The following MKLN1 variants were observed in gnomAD, a reference collection of about 807,000 sequenced individuals.
The protein encoded by MKLN1 is muskelin.
In MKLN1, 18 loss-of-function variants were observed where a neutral mutation model predicts 99.0. That is an observed-to-expected ratio of 0.18 (90% CI 0.13 to 0.27). The LOEUF (loss-of-function observed/expected upper bound fraction) is 0.27, where lower values mean the gene tolerates loss of function less well. MKLN1 is among the 10% of genes least tolerant of loss of function. The pLI is 1.00. For synonymous variants in MKLN1, 288 were observed against 293.2 expected, an observed-to-expected ratio of 0.98 and a Z score of 0.18; for missense variants, 621 against 875.9, an observed-to-expected ratio of 0.71 and a Z score of 3.67.
chr7:131,120,110 G>T (rs1584772161), intron 1 of MKLN1, among the ~76,000 whole-genome samples: 1 of 136,642 alleles, frequency 7.3e-6, no homozygotes, highest in African/African-American at 2.8e-5. Context: ...GGCGGAGCTT[G>T]CAATGAGCTG....
chr7:131,198,914 C>T (rs1563249876), intron 2 of MKLN1, among the ~76,000 whole-genome samples: 2 of 152,170 alleles, frequency 1.3e-5, no homozygotes, highest in African/African-American at 4.8e-5. Flanking sequence ...AAACAACTTA[C>T]TCTTAGGCAA....
At chr7:131,214,720 A>G (rs1187552702) in intron 3 of MKLN1, among the ~76,000 whole-genome samples, 1 of 152,178 alleles carries the variant, frequency 6.6e-6, no homozygotes, top group East Asian at 1.9e-4. Context: ...TTCTACATGG[A>G]CTTTGTAATC....
chr7:131,132,009 A>T (rs1359976867), intron 1 of MKLN1, among the ~76,000 whole-genome samples: 1 of 152,216 alleles, frequency 6.6e-6, no homozygotes, highest in Non-Finnish European at 1.5e-5. Flanking sequence ...TCGAATACAG[A>T]TCTGTCTGAC....
intron 3 of MKLN1, among the ~76,000 whole-genome samples, chr7:131,305,549 T>C (rs1293785174): frequency 6.6e-6 from 1 of 152,224 alleles, no homozygotes; most frequent in Non-Finnish European, 1.5e-5. Context: ...GAATTCTTTC[T>C]GTTCAGGCTT....
intron 3 of MKLN1, among the ~76,000 whole-genome samples, chr7:131,296,977 C>T (rs541287576): frequency 6.6e-6 from 1 of 152,074 alleles, no homozygotes; most frequent in Non-Finnish European, 1.5e-5. Flanking sequence ...GGACTCAAGT[C>T]ATCCACCTGC....
In MKLN1 at chr7:131,153,664, G is replaced by GGT. The variant is rs745775259; in HGVS notation, c.-297+10723_-297+10724insGT. Among the ~76,000 whole-genome samples the GGT allele has an allele frequency of 4.1e-3, 572 of 139,526 alleles. 10 individuals carry two copies. The highest frequency in any genetic ancestry group is 0.015 in the African/African-American group (542 of 37,098). The allele number at this position is 139,526 out of a possible 152,430, so 91.5% of individuals were successfully genotyped here. A position where few individuals can be genotyped will look rare whatever the true frequency, so the allele number is the denominator to read the frequency against. ...ACAAAATGAAAGTAGGTTTTTTTTG[G>GGT]TTTTTTTTTTTTTTTTGAGAAGGAG... On this transcript the variant is annotated intron_variant, in intron 2 of 7. Coordinates refer to the MKLN1 transcript ENST00000416992.
At chr7:131,239,470 C>G (rs1472889738) in intron 3 of MKLN1, among the ~76,000 whole-genome samples, 1 of 152,060 alleles carries the variant, frequency 6.6e-6, no homozygotes, top group Non-Finnish European at 1.5e-5. Flanking sequence ...TAGGTACATG[C>G]CACACCCAGC....
chr7:131,402,333 C>G (rs976987084), intron 6 of MKLN1, among the ~76,000 whole-genome samples: 1 of 152,190 alleles, frequency 6.6e-6, no homozygotes, highest in African/African-American at 2.4e-5. Context: ...TCTTCAGGCT[C>G]TACTTCTAAT....
Position 131,478,615 on chromosome 7 carries a change from TTA to T in MKLN1, c.2032-7_2032-6del. ...TGCTTCTTTTTTTTTTTTTTTTTTTTTAAACAGTTTCAGCTCCTGGCATCAGC... is the reference window on the plus strand; with the variant it reads ...TGCTTCTTTTTTTTTTTTTTTTTTTTAACAGTTTCAGCTCCTGGCATCAGC... On this transcript the variant is annotated splice_region_variant and splice_polypyrimidine_tract_variant and intron_variant, in intron 16 of 17. Transcript: ENST00000352689. 9 of 1,424,910 alleles carry T rather than the reference TTA, an allele frequency of 6.3e-6. No homozygotes were observed. The highest frequency in any genetic ancestry group is 5.2e-5 in the East Asian group (2 of 38,350). The allele number at this position is 1,424,910 out of a possible 1,614,324, so 88.3% of individuals were successfully genotyped here.
At chr7:131,223,986 G>A (rs1043413191) in intron 3 of MKLN1, among the ~76,000 whole-genome samples, 2 of 151,980 alleles carry the variant, frequency 1.3e-5, no homozygotes, top group Admixed American at 6.6e-5. Context: ...GGCTGATCTC[G>A]AACTCCTGAC....
At chr7:131,428,977 G>A (rs553905844) in intron 8 of MKLN1, 56 bp from the exon 9 acceptor site, 28 of 1,417,202 alleles carry the variant, frequency 2.0e-5, no homozygotes, top group African/African-American at 1.7e-4. Context: ...CTAGGTTTGG[G>A]TGCTTATGCT....
chr7:131,317,272 C>T (rs1456185151), intron 3 of MKLN1, among the ~76,000 whole-genome samples: 1 of 152,180 alleles, frequency 6.6e-6, no homozygotes, highest in African/African-American at 2.4e-5. Flanking sequence ...AGAAACCCTA[C>T]AAGCCAGAAG....
chr7:131,169,063 AC>A (rs1227392799), intron 2 of MKLN1, among the ~76,000 whole-genome samples: 2 of 151,932 alleles, frequency 1.3e-5, no homozygotes, highest in African/African-American at 4.8e-5. Flanking sequence ...GACGGGTTTC[AC>A]CCTATTGGCC....
intron 3 of MKLN1, among the ~76,000 whole-genome samples, chr7:131,301,851 G>C (rs1484143476): frequency 4.6e-5 from 7 of 152,116 alleles, no homozygotes; most frequent in Admixed American, 3.9e-4. Flanking sequence ...ATATTTTCAA[G>C]GGGAAGAGGT....
chr7:131,145,329 C>T (rs1355279822), intron 2 of MKLN1, among the ~76,000 whole-genome samples: 5 of 152,126 alleles, frequency 3.3e-5, no homozygotes, highest in Admixed American at 3.3e-4. Flanking sequence ...TACAGCTACA[C>T]ACGGCACGAA....
chr7:131,164,201 C>T (rs748185662), intron 2 of MKLN1, among the ~76,000 whole-genome samples: 8 of 152,090 alleles, frequency 5.3e-5, no homozygotes, highest in Non-Finnish European at 1.2e-4. Context: ...AACCTCTGCT[C>T]CTTGGGCTCA....
At chr7:131,123,670 C>A (rs1795409999) in intron 1 of MKLN1, among the ~76,000 whole-genome samples, 1 of 152,088 alleles carries the variant, frequency 6.6e-6, no homozygotes, top group Non-Finnish European at 1.5e-5. Context: ...CACCTGTAAT[C>A]CCAGCTACTT....
rs573817274 is a variant in MKLN1 at position 131,329,641 on chromosome 7, A to T, written c.98+1644A>T. On this transcript the variant is annotated intron_variant, in intron 1 of 17. Coordinates refer to ENST00000352689, the MANE Select transcript of MKLN1 (RefSeq NM_013255.5). ...CAGGACGTCACTCCTTAAATTTTTG[A>T]TGTAGGCCTGAGGCTTGGATAACAC... Among the ~76,000 whole-genome samples the T allele has an allele frequency of 2.6e-5, 4 of 152,248 alleles. No individual in the cohort carries two copies. In the South Asian group the frequency reaches 8.3e-4, roughly 32 times the overall value.
intron 1 of MKLN1, among the ~76,000 whole-genome samples, chr7:131,372,397 A>T (rs1584664301): frequency 1.3e-5 from 2 of 152,210 alleles, no homozygotes; most frequent in Admixed American, 1.3e-4. Flanking sequence ...AACACAAAAA[A>T]GCACAAAGAA....
Sources: gnomAD v4.1 joint callset for allele counts (sites outside exome capture counted in the v4.1 genomes callset) on GRCh38, gnomAD v4.1.1 for gene constraint, MANE v1.5 for transcripts, NCBI Gene and HGNC (gene_info 2026-07-23, HGNC 2026-07-21) for gene names.